The following PAK5 variants were observed in gnomAD, a reference collection of about 807,000 sequenced individuals.
PAK5 encodes the protein serine/threonine-protein kinase PAK 5.
PAK5 carries 16 observed loss-of-function variants against 65.9 expected under a neutral mutation model. That is an observed-to-expected ratio of 0.24 (90% CI 0.16 to 0.37). The LOEUF (loss-of-function observed/expected upper bound fraction) is 0.37, where lower values mean the gene tolerates loss of function less well. PAK5 is among the 10% of genes least tolerant of loss of function. PAK5 has a pLI of 1.00. For missense variants in PAK5, 785 were observed against 903.9 expected (o/e 0.87, Z 1.69); for synonymous variants, 371 against 354.9 (o/e 1.05, Z -0.51).
chr20:9,834,715 A>G (rs1979005971), intron 1 of PAK5, among the ~76,000 whole-genome samples: 1 of 152,188 alleles, frequency 6.6e-6, no homozygotes, highest in Non-Finnish European at 1.5e-5. Flanking sequence ...AGAGGGTTAT[A>G]GTGATGATTA....
intron 1 of PAK5, among the ~76,000 whole-genome samples, chr20:9,795,690 C>T (rs1243228680): frequency 6.6e-6 from 1 of 151,978 alleles, no homozygotes; most frequent in Non-Finnish European, 1.5e-5. Context: ...AAAAGGAATA[C>T]ATGGAACTTA....
At chr20:9,756,610 C>G (rs542582627) in intron 1 of PAK5, among the ~76,000 whole-genome samples, 1 of 152,178 alleles carries the variant, frequency 6.6e-6, no homozygotes, top group South Asian at 2.1e-4. Context: ...ACACTTTTTA[C>G]GTTATCTACA....
intron 1 of PAK5, among the ~76,000 whole-genome samples, chr20:9,743,605 C>T (rs1235271381): frequency 2.6e-5 from 4 of 152,086 alleles, no homozygotes; most frequent in East Asian, 3.9e-4. Context: ...CAGAAATAGA[C>T]GTTGGAATAC....
chr20:9,749,736 C>G (rs2048552620), intron 1 of PAK5, among the ~76,000 whole-genome samples: 1 of 152,140 alleles, frequency 6.6e-6, no homozygotes, highest in Non-Finnish European at 1.5e-5. Context: ...GACAAGGAAT[C>G]CGCACAAGGA....
chr20:9,745,676 T>C (rs1302464270), intron 1 of PAK5, among the ~76,000 whole-genome samples: 1 of 152,272 alleles, frequency 6.6e-6, no homozygotes, highest in East Asian at 1.9e-4. Context: ...TCTAGCTTTG[T>C]AGGTCTGGGG....
At chr20:9,626,020 G>A (rs1192504014) in intron 3 of PAK5, among the ~76,000 whole-genome samples, 1 of 152,096 alleles carries the variant, frequency 6.6e-6, no homozygotes, top group Non-Finnish European at 1.5e-5. Context: ...AAACTGCAAG[G>A]TAAGAATATA....
intron 3 of PAK5, among the ~76,000 whole-genome samples, chr20:9,616,275 A>C (rs1199170128): frequency 6.6e-6 from 1 of 152,234 alleles, no homozygotes; most frequent in African/African-American, 2.4e-5. Context: ...TGAATTAAAA[A>C]GGGCAGTTCC....
intron 3 of PAK5, among the ~76,000 whole-genome samples, chr20:9,597,175 G>A (rs935626870): frequency 6.6e-6 from 1 of 152,192 alleles, no homozygotes; most frequent in Non-Finnish European, 1.5e-5. Context: ...ACTTTCCCTT[G>A]CTGGGGCTAT....
chr20:9,618,157 T>C (rs974865182), intron 3 of PAK5, among the ~76,000 whole-genome samples: 6 of 151,998 alleles, frequency 3.9e-5, no homozygotes, highest in Non-Finnish European at 8.8e-5. Context: ...CCAAGGAACA[T>C]ACAGCGCTGG....
chr20:9,670,471 G>A (rs557659871), intron 2 of PAK5, among the ~76,000 whole-genome samples: 1 of 152,090 alleles, frequency 6.6e-6, no homozygotes, highest in African/African-American at 2.4e-5. Context: ...ATTCTAACTG[G>A]TGTGAGATGG....
intron 1 of PAK5, among the ~76,000 whole-genome samples, chr20:9,750,322 A>C (rs942779409): frequency 9.2e-5 from 14 of 152,166 alleles, no homozygotes; most frequent in African/African-American, 3.4e-4. Flanking sequence ...GACAGCATGA[A>C]GCATAACATT....
chr20:9,596,724 A>T (rs1412194591), intron 3 of PAK5, among the ~76,000 whole-genome samples: 2 of 151,734 alleles, frequency 1.3e-5, no homozygotes, highest in Non-Finnish European at 2.9e-5. Flanking sequence ...TGCACCCAAG[A>T]GCAAATACTT....
rs186792612 is a variant in PAK5, at chr20:9,768,922, G to C, written c.-161-57487C>G. The stretch of plus-strand genomic sequence containing the variant: ...AATATATGACTATTATGTTCCCATA[G>C]TAATTAAAAATTAAAAAATAAAAGC... On this transcript the variant is annotated intron_variant, in intron 1 of 9. Coordinates refer to ENST00000353224, the MANE Select transcript of PAK5 (RefSeq NM_177990.4). 1.5e-4 allele frequency among the ~76,000 whole-genome samples: 23 copies of C among 150,996 alleles called. No individual in the cohort carries two copies. The East Asian group carries it at 4.5e-3, about 29-fold the overall frequency.
chr20:9,752,182 G>A (rs6133746), intron 1 of PAK5, among the ~76,000 whole-genome samples: 56,548 of 151,768 alleles, frequency 0.37, 10,912 homozygotes, highest in East Asian at 0.55. Flanking sequence ...CATATGAAAA[G>A]TTGCAGAAGC....
intron 2 of PAK5, among the ~76,000 whole-genome samples, chr20:9,648,107 A>G (rs1687567626): frequency 6.6e-6 from 1 of 152,218 alleles, no homozygotes; most frequent in South Asian, 2.1e-4. Context: ...GGGGTCCCAA[A>G]GACCACCCCC....
At chr20:9,709,404 A>C (rs2048050317) in intron 2 of PAK5, among the ~76,000 whole-genome samples, 1 of 152,120 alleles carries the variant, frequency 6.6e-6, no homozygotes, top group Non-Finnish European at 1.5e-5. Context: ...CTAAAACCCC[A>C]CCAGCATCCT....
rs554334553 is a variant in PAK5, at chr20:9,749,983, A to T, written c.-161-38548T>A. 9.2e-5 allele frequency among the ~76,000 whole-genome samples: 14 copies of T among 152,296 alleles called. No homozygotes were observed. The South Asian group carries it at 2.3e-3, about 25-fold the overall frequency. On this transcript the variant is annotated intron_variant, in intron 1 of 9. Coordinates refer to ENST00000353224, the MANE Select transcript of PAK5 (RefSeq NM_177990.4). ...TTAAAAGCTGCATTTCATTAAGACA[A>T]ATTATCCAAACATTATTCAGTTCTG...
At chr20:9,800,661 G>A (rs1284092748) in intron 1 of PAK5, among the ~76,000 whole-genome samples, 2 of 151,908 alleles carry the variant, frequency 1.3e-5, no homozygotes, top group Non-Finnish European at 2.9e-5. Context: ...CATGGCTGAC[G>A]AAATGACTGA....
chr20:9,749,424 T>C (rs888054277), intron 1 of PAK5, among the ~76,000 whole-genome samples: 1 of 152,168 alleles, frequency 6.6e-6, no homozygotes, highest in African/African-American at 2.4e-5. Flanking sequence ...TTCCCACTTA[T>C]GAGGTTGAAA....
Sources: allele counts gnomAD v4.1 joint callset (sites outside exome capture counted in the v4.1 genomes callset), GRCh38; gene constraint gnomAD v4.1.1; transcripts MANE v1.5; gene names NCBI Gene and HGNC (gene_info 2026-07-23, HGNC 2026-07-21).